The following SLC4A4 variants were observed in gnomAD, a reference collection of about 807,000 sequenced individuals.
SLC4A4 encodes the protein electrogenic sodium bicarbonate cotransporter 1.
A neutral mutation model predicts 111.5 loss-of-function variants in SLC4A4; 27 were observed. The observed-to-expected ratio is 0.24, with a 90% CI of 0.18 to 0.33. The LOEUF (loss-of-function observed/expected upper bound fraction) is 0.33, where lower values mean the gene tolerates loss of function less well. Among genes scored for constraint, SLC4A4 ranks in the 10% least tolerant of loss-of-function variants. The pLI is 1.00. For missense variants in SLC4A4, 909 were observed against 1,315.5 expected (o/e 0.69, Z 4.78); for synonymous variants, 443 against 463.4 (o/e 0.96, Z 0.57).
At chr4:71,460,163 G>A (rs1379891157) in intron 12 of SLC4A4, among the ~76,000 whole-genome samples, 5 of 151,850 alleles carry the variant, frequency 3.3e-5, no homozygotes, top group African/African-American at 1.2e-4. Flanking sequence ...TAATTTTTGT[G>A]TAGCCAAAAT....
intron 22 of SLC4A4, among the ~76,000 whole-genome samples, chr4:71,559,591 C>T (rs1219605016): frequency 6.6e-6 from 1 of 151,628 alleles, no homozygotes; most frequent in Admixed American, 6.6e-5. Flanking sequence ...ATTGAAGTAG[C>T]CCAGTGAATG....
chr4:71,230,043 C>G (rs1482243918), intron 1 of SLC4A4, among the ~76,000 whole-genome samples: 1 of 150,116 alleles, frequency 6.7e-6, no homozygotes, highest in African/African-American at 2.4e-5. Flanking sequence ...ACAACAAAAG[C>G]ACCAATAAAA....
intron 6 of SLC4A4, among the ~76,000 whole-genome samples, chr4:71,365,949 T>C (rs1326484838): frequency 6.6e-6 from 1 of 152,196 alleles, no homozygotes; most frequent in African/African-American, 2.4e-5. Context: ...TCCTCAATCA[T>C]AATTTATTTC....
chr4:71,345,931 T>C (rs890991069), intron 4 of SLC4A4, among the ~76,000 whole-genome samples: 7 of 152,118 alleles, frequency 4.6e-5, no homozygotes, highest in Non-Finnish European at 7.4e-5. Context: ...AGGTACACAC[T>C]AACGTTGGCT....
At chr4:71,125,566 A>G (rs1464409738) in intron 2 of SLC4A4, among the ~76,000 whole-genome samples, 4 of 152,230 alleles carry the variant, frequency 2.6e-5, no homozygotes, top group Non-Finnish European at 1.5e-5. Context: ...TCTAAAAAAG[A>G]GAATGCACCT....
intron 16 of SLC4A4, among the ~76,000 whole-genome samples, chr4:71,522,178 G>C (rs2149194607): frequency 6.6e-6 from 1 of 152,288 alleles, no homozygotes; most frequent in Non-Finnish European, 1.5e-5. Flanking sequence ...GTATCAGTCT[G>C]TTATCCCACA....
chr4:71,413,023 A>C (rs1721505167), intron 7 of SLC4A4, among the ~76,000 whole-genome samples: 1 of 152,208 alleles, frequency 6.6e-6, no homozygotes, highest in East Asian at 1.9e-4. Context: ...AGAAGCCCCC[A>C]GATGCAGATG....
At chr4:71,072,141 A>G (rs1460014628) in intron 1 of SLC4A4, among the ~76,000 whole-genome samples, 1 of 152,192 alleles carries the variant, frequency 6.6e-6, no homozygotes, top group African/African-American at 2.4e-5. Flanking sequence ...TTTGTATAAT[A>G]CTTAGGAAGG....
upstream of SLC4A4, among the ~76,000 whole-genome samples, chr4:71,062,661 G>A (rs1239362297): frequency 2.0e-5 from 3 of 152,134 alleles, no homozygotes; most frequent in African/African-American, 7.2e-5. Flanking sequence ...ATCTCATTTG[G>A]CAACTCTTGA....
In SLC4A4 at chr4:71,453,082, A is replaced by G. The variant is rs111405490; in HGVS notation, c.1323-413A>G. 2.9e-3 allele frequency among the ~76,000 whole-genome samples: 439 copies of G among 152,310 alleles called. 2 individuals carry two copies. The highest frequency in any genetic ancestry group is 4.0e-3 in the Non-Finnish European group (275 of 68,020). On this transcript the variant is annotated intron_variant, in intron 11 of 25. Coordinates refer to ENST00000264485, the MANE Select transcript of SLC4A4 (RefSeq NM_001098484.3). Reference sequence around the variant, plus strand: ...GCAGGTGCTCAGTAGCATTTATTGAAGATGAAAGAATGAATGATGAATAAA... The same window carrying G: ...GCAGGTGCTCAGTAGCATTTATTGAGGATGAAAGAATGAATGATGAATAAA...
chr4:71,316,310 T>G (rs2148861505), intron 3 of SLC4A4, among the ~76,000 whole-genome samples: 1 of 152,254 alleles, frequency 6.6e-6, no homozygotes, highest in African/African-American at 2.4e-5. Context: ...AAGAAAACCC[T>G]CCCTCTGAAC....
chr4:71,526,580 G>C (rs7677549), intron 16 of SLC4A4, among the ~76,000 whole-genome samples: 1 of 151,802 alleles, frequency 6.6e-6, no homozygotes, highest in Admixed American at 6.6e-5. Flanking sequence ...CATATTATAC[G>C]TATCATTAAC....
At chr4:71,476,029 T>TA (rs1310586869) in intron 14 of SLC4A4, among the ~76,000 whole-genome samples, 2 of 151,792 alleles carry the variant, frequency 1.3e-5, no homozygotes, top group Non-Finnish European at 2.9e-5. Context: ...TCATGAAAGA[T>TA]ATATATGTGA....
chr4:71,388,221 T>C lies in SLC4A4; in HGVS notation c.731-9356T>C, dbSNP rs531728365. Among the ~76,000 whole-genome samples, 6 of 152,248 alleles carry C rather than the reference T, an allele frequency of 3.9e-5. No homozygotes were observed. In the South Asian group the frequency reaches 1.2e-3, roughly 32 times the overall value. The stretch of plus-strand genomic sequence containing the variant: ...GTTTCATCACATTTTGGGGAGGGAA[T>C]AATATTTTCTTCATAATTGTTGTGT... On this transcript the variant is annotated intron_variant, in intron 6 of 25. Transcript: ENST00000264485.
intron 10 of SLC4A4, 121 bp from the exon 11 acceptor site, chr4:71,451,067 A>G (rs1186586139): frequency 1.2e-5 from 9 of 727,776 alleles, no homozygotes; most frequent in Admixed American, 4.0e-5. Flanking sequence ...GCAGAAAGAA[A>G]TAACAATCTT....
At chr4:71,258,460 T>C (rs1721615926) in intron 3 of SLC4A4, among the ~76,000 whole-genome samples, 1 of 152,206 alleles carries the variant, frequency 6.6e-6, no homozygotes, top group Non-Finnish European at 1.5e-5. Context: ...AGGTTTGTCT[T>C]GAGCTGTTGC....
At chr4:71,207,339 A>G (rs1020920501) in intron 1 of SLC4A4, among the ~76,000 whole-genome samples, 8 of 152,264 alleles carry the variant, frequency 5.3e-5, no homozygotes, top group Non-Finnish European at 1.0e-4. Flanking sequence ...GTCTTCCTGC[A>G]TAGAATATTT....
rs548420792 is a variant in SLC4A4, at chr4:71,485,961, G to A, written c.1904-987G>A. Among the ~76,000 whole-genome samples the A allele has an allele frequency of 1.4e-3, 209 of 151,556 alleles. 1 individual carries two copies. The highest frequency in any genetic ancestry group is 8.1e-4 in the Non-Finnish European group (55 of 67,664). ...TAATGTCAGCTATCAAAACCTGTGT[G>A]TTTCTTCTTAAAGGTTTATATAGGC... On this transcript the variant is annotated intron_variant, in intron 14 of 25. Transcript: ENST00000264485.
In SLC4A4 at chr4:71,152,432, T is replaced by G. The variant is rs142382794; in HGVS notation, c.-2+59640T>G. 3.5e-3 allele frequency among the ~76,000 whole-genome samples: 530 copies of G among 152,344 alleles called. 6 individuals are homozygous for G. The highest frequency in any genetic ancestry group is 0.012 in the African/African-American group (488 of 41,592). ...TTCTTTCACTTGAAATGTTATTCTA[T>G]GAGACTTAGTTCTTTCACTCGAGAT... On this transcript the variant is annotated intron_variant, in intron 2 of 26. Transcript: ENST00000649996.
Sources: gnomAD v4.1 joint callset for allele counts (sites outside exome capture counted in the v4.1 genomes callset) on GRCh38, gnomAD v4.1.1 for gene constraint, MANE v1.5 for transcripts, NCBI Gene and HGNC (gene_info 2026-07-23, HGNC 2026-07-21) for gene names.